The following COL22A1 variants were observed in gnomAD, a reference collection of about 807,000 sequenced individuals.
The protein encoded by COL22A1 is collagen alpha-1(XXII) chain.
In COL22A1, 221 loss-of-function variants were observed where a neutral mutation model predicts 248.9. The observed-to-expected ratio is 0.89, with a 90% CI of 0.80 to 0.99. The LOEUF is 0.99. Ranked by LOEUF, COL22A1 falls within the 50% of genes least tolerant of loss-of-function variation. The pLI is 0.00. For synonymous variants in COL22A1, 891 were observed against 793.4 expected (o/e 1.12, Z -2.07); for missense variants, 2,240 against 2,179.0 (o/e 1.03, Z -0.56).
intron 31 of COL22A1, among the ~76,000 whole-genome samples, chr8:138,700,497 G>T (rs563094544): frequency 1.3e-5 from 2 of 152,280 alleles, no homozygotes; most frequent in African/African-American, 4.8e-5. Flanking sequence ...CAGGACACTG[G>T]ATTCATGTCA....
intron 64 of COL22A1, 100 bp downstream of exon 64, chr8:138,591,324 C>T (rs573678833): frequency 1.5e-6 from 1 of 676,288 alleles, no homozygotes; most frequent in African/African-American, 1.9e-5. Context: ...CCTAAGCCCT[C>T]CTCTCCGCTC....
chr8:138,638,477 C>G (rs1821388061), intron 47 of COL22A1, among the ~76,000 whole-genome samples: 1 of 152,132 alleles, frequency 6.6e-6, no homozygotes, highest in Non-Finnish European at 1.5e-5. Flanking sequence ...ATGGAAACAT[C>G]AAGTCCAGCC....
At chr8:138,721,646 T>C (rs868710825) in intron 26 of COL22A1, among the ~76,000 whole-genome samples, 2 of 152,228 alleles carry the variant, frequency 1.3e-5, no homozygotes, top group Admixed American at 6.5e-5. Context: ...CAGGCTATAG[T>C]GCAATGGCAC....
Position 138,623,760 on chromosome 8 carries a change from T to G in COL22A1, c.3743A>C (p.Asp1248Ala). 1.2e-6 allele frequency: 2 copies of G among 1,612,740 alleles called. No homozygotes were observed. Among genetic ancestry groups the G allele is most frequent in the Non-Finnish European group, 8.5e-7 (1 of 1,179,384 alleles). ...CTCTCCAGGGGGACCCGGCTTTCCA[T>G]CTCTGCCCTCTTTGCCTTCTTCTCC... ...IPGEEGKEGR[D>A]GKPGPPGEPG... Residue 1248 changes from aspartate (D) to alanine (A), a missense_variant, in exon 52 of 65, where the codon GAT becomes GCT. By Grantham distance (126) the Asp-to-Ala change is moderately radical. Transcript: ENST00000303045.
intron 1 of COL22A1, among the ~76,000 whole-genome samples, chr8:138,895,628 G>GA (rs1481345647): frequency 1.3e-5 from 2 of 151,966 alleles, no homozygotes; most frequent in African/African-American, 2.4e-5. Context: ...GCAACAGCAA[G>GA]AAAACAGACT....
intron 36 of COL22A1, among the ~76,000 whole-genome samples, 190 bp from the exon 37 acceptor site, chr8:138,689,160 G>GGA (rs1554749837): frequency 6.9e-6 from 1 of 145,084 alleles, no homozygotes; most frequent in East Asian, 2.0e-4. Context: ...TGCTCTCCCG[G>GGA]GGGGGGGGCT....
chr8:138,869,124 GCCCAGCTGGGTGA>G (rs934991086), intron 3 of COL22A1, among the ~76,000 whole-genome samples: 6 of 152,148 alleles, frequency 3.9e-5, no homozygotes, highest in Non-Finnish European at 7.4e-5. Flanking sequence ...GAGCTGGGAG[GCCCAGCTGGGTGA>G]CCCAGCTCCA....
chr8:138,690,629 G>A (rs747905683), intron 36 of COL22A1, among the ~76,000 whole-genome samples, 192 bp downstream of exon 36: 7 of 152,064 alleles, frequency 4.6e-5, no homozygotes, highest in Non-Finnish European at 8.8e-5. Flanking sequence ...CTGGATAGCT[G>A]GCGAGTTGCC....
chr8:138,834,894 C>A (rs1242476814), intron 4 of COL22A1, among the ~76,000 whole-genome samples: 8 of 152,168 alleles, frequency 5.3e-5, no homozygotes, highest in Admixed American at 5.2e-4. Context: ...CAGGCACCAA[C>A]ACAAAATCCT....
chr8:138,612,652 C>A (rs551069616), intron 56 of COL22A1, among the ~76,000 whole-genome samples: 1 of 152,082 alleles, frequency 6.6e-6, no homozygotes, highest in Non-Finnish European at 1.5e-5. Context: ...TTGGGCCAGG[C>A]GCAGTGGCTC....
At chr8:138,693,336 T>C (rs1004091898) in intron 35 of COL22A1, among the ~76,000 whole-genome samples, 5 of 152,196 alleles carry the variant, frequency 3.3e-5, no homozygotes, top group African/African-American at 1.2e-4. Context: ...TGGTTGTGCA[T>C]GTAAGCACAC....
chr8:138,628,821 G>A (rs888870427), intron 50 of COL22A1, among the ~76,000 whole-genome samples: 14 of 147,042 alleles, frequency 9.5e-5, no homozygotes, highest in South Asian at 2.2e-4. Context: ...GCTGGAGTGC[G>A]GTGGCGCAAT....
intron 53 of COL22A1, among the ~76,000 whole-genome samples, chr8:138,617,963 T>C (rs1052283238): frequency 4.6e-5 from 7 of 152,182 alleles, no homozygotes; most frequent in African/African-American, 1.7e-4. Flanking sequence ...AGGGATTTCT[T>C]GGGGCTTGGC....
At chr8:138,625,108 C>T (rs1217842057) in intron 51 of COL22A1, among the ~76,000 whole-genome samples, 1 of 152,154 alleles carries the variant, frequency 6.6e-6, no homozygotes, top group Non-Finnish European at 1.5e-5. Flanking sequence ...CAATCCATTA[C>T]ACCAATAGAA....
chr8:138,693,616 C>A (rs1324065733), intron 35 of COL22A1, 30 bp downstream of exon 35: 1 of 1,565,794 alleles, frequency 6.4e-7, no homozygotes, highest in South Asian at 1.2e-5. Flanking sequence ...CGGGGCTCCC[C>A]CACGAGGCAG....
At chr8:138,819,578 CTATA>C (rs1211674787) in intron 7 of COL22A1, among the ~76,000 whole-genome samples, 1 of 147,486 alleles carries the variant, frequency 6.8e-6, no homozygotes, top group African/African-American at 2.5e-5. Context: ...TTATATGTAT[CTATA>C]TATAATGTTC....
rs949389339 is a variant in COL22A1 at position 138,825,119 on chromosome 8, AG to A, written c.969+1538del. ...GCACCAGACCCTGAGAAAATGGAGA[AG>A]CAAGACCTGTGCAATTGGAGATGGA... On this transcript the variant is annotated intron_variant, in intron 6 of 64. Coordinates refer to ENST00000303045, the MANE Select transcript of COL22A1 (RefSeq NM_152888.3). 1.4e-4 allele frequency among the ~76,000 whole-genome samples: 22 copies of A among 152,320 alleles called. 1 individual carries two copies. Among genetic ancestry groups the A allele is most frequent in the African/African-American group, 5.3e-4 (22 of 41,590 alleles).
rs778532502 is a variant in COL22A1 at position 138,649,789 on chromosome 8, G to A, written c.3334-11C>T. The stretch of plus-strand genomic sequence containing the variant: ...GTCATTGCACACATCCTGAGAGTGG[G>A]GAGAGAGGTGGGGACAAAGAGAGAA... On this transcript the variant is annotated splice_polypyrimidine_tract_variant and intron_variant, in intron 45 of 64. Transcript: ENST00000303045. 5.6e-5 allele frequency: 84 copies of A among 1,512,516 alleles called. No individual in the cohort carries two copies. Among genetic ancestry groups the A allele is most frequent in the Non-Finnish European group, 7.3e-5 (82 of 1,117,750 alleles). 93.7% of individuals were successfully genotyped at this position (1,512,516 alleles called of 1,614,324 possible). A position where few individuals can be genotyped will look rare whatever the true frequency, so the allele number is the denominator to read the frequency against.
Position 138,689,014 on chromosome 8 carries a change from T to C in COL22A1, c.2809-44A>G, listed in dbSNP as rs553737374. ...CGGACATGGTGAATTTAAAGATGACTGGTCACTCTTGGTGGCTCGTGACCC... is the reference window on the plus strand; with the variant it reads ...CGGACATGGTGAATTTAAAGATGACCGGTCACTCTTGGTGGCTCGTGACCC... On this transcript the variant is annotated intron_variant, in intron 36 of 64. Transcript: ENST00000303045. 7.9e-6 allele frequency: 12 copies of C among 1,509,674 alleles called. No individual in the cohort carries two copies. In the South Asian group the frequency reaches 1.1e-4, roughly 14 times the overall value. The allele number at this position is 1,509,674 out of a possible 1,614,324, so 93.5% of individuals were successfully genotyped here. A position where few individuals can be genotyped will look rare whatever the true frequency, so the allele number is the denominator to read the frequency against.
Sources: gnomAD v4.1 joint callset for allele counts (sites outside exome capture counted in the v4.1 genomes callset) on GRCh38, gnomAD v4.1.1 for gene constraint, MANE v1.5 for transcripts, NCBI Gene and HGNC (gene_info 2026-07-23, HGNC 2026-07-21) for gene names.